Variants in BLM observed in about 807,000 individuals in gnomAD.
BLM encodes the protein BLM RecQ like helicase.
Under a neutral mutation model 135.3 loss-of-function variants are expected in BLM, and 95 were observed. The observed-to-expected ratio is 0.70, with a 90% CI of 0.59 to 0.83. The LOEUF is 0.83. BLM is among the 40% of genes least tolerant of loss of function. The pLI is 0.00. For synonymous variants in BLM, 520 were observed against 589.2 expected, an observed-to-expected ratio of 0.88 and a Z score of 1.70; for missense variants, 1,518 against 1,663.9, an observed-to-expected ratio of 0.91 and a Z score of 1.53.
At chr15:90,782,374 T>G (rs1168450455) in intron 12 of BLM, among the ~76,000 whole-genome samples, 3 of 151,846 alleles carry the variant, frequency 2.0e-5, no homozygotes, top group Non-Finnish European at 4.4e-5. Context: ...GGCGACAGAG[T>G]GAGACTCTGT....
intron 5 of BLM, among the ~76,000 whole-genome samples, chr15:90,758,885 T>C (rs544740555): frequency 6.6e-6 from 1 of 152,180 alleles, no homozygotes; most frequent in South Asian, 2.1e-4. Flanking sequence ...GTAGGTCTAA[T>C]AGGAAATCTT....
At chr15:90,747,695 G>A in intron 2 of BLM, 1 of 513,244 alleles carries the variant, frequency 1.9e-6, no homozygotes, top group Non-Finnish European at 3.5e-6. Flanking sequence ...ATGGTTCCTG[G>A]CACATAATAT....
At chr15:90,779,562 C>T (rs1323431680) in intron 12 of BLM, among the ~76,000 whole-genome samples, 1 of 152,154 alleles carries the variant, frequency 6.6e-6, no homozygotes, top group Non-Finnish European at 1.5e-5. Flanking sequence ...ATCTGCTACA[C>T]ATTCTGCCTT....
In BLM at chr15:90,783,462, C is replaced by T. The variant is rs142367006; in HGVS notation, c.2662+534C>T. Reference sequence around the variant, plus strand: ...GATTTCCCCGCTCAGACTCACCTCCCCCAGGCAGCTAATGTCAATAGCTTC... The same window carrying T: ...GATTTCCCCGCTCAGACTCACCTCCTCCAGGCAGCTAATGTCAATAGCTTC... On this transcript the variant is annotated intron_variant, in intron 13 of 21. Coordinates refer to ENST00000355112, the MANE Select transcript of BLM (RefSeq NM_000057.4). Among the ~76,000 whole-genome samples, 706 of 152,282 alleles carry T rather than the reference C, an allele frequency of 4.6e-3. 6 individuals carry two copies. Among genetic ancestry groups the T allele is most frequent in the African/African-American group, 0.016 (672 of 41,550 alleles).
rs535042819 is a variant in BLM, at chr15:90,727,748, A to G, written c.-5+10308A>G. Among the ~76,000 whole-genome samples, 10 of 152,132 alleles carry G rather than the reference A, an allele frequency of 6.6e-5. No individual in the cohort carries two copies. In the South Asian group the frequency reaches 2.1e-3, roughly 32 times the overall value. On this transcript the variant is annotated intron_variant, in intron 1 of 21. Coordinates refer to ENST00000355112, the MANE Select transcript of BLM (RefSeq NM_000057.4). ...CGTGAATTCCTACAGACACTACCTG[A>G]TGTGTTTTTTTTTCCCTTGCTGATC...
chr15:90,809,398 G>T (rs1362700857), intron 20 of BLM, 139 bp downstream of exon 20: 1 of 1,372,774 alleles, frequency 7.3e-7, no homozygotes, highest in Non-Finnish European at 1.0e-6. Flanking sequence ...CCAGTGGTGT[G>T]CCAGTCACCT....
At chr15:90,751,261 G>A (rs564183654) in intron 3 of BLM, among the ~76,000 whole-genome samples, 4 of 152,268 alleles carry the variant, frequency 2.6e-5, no homozygotes, top group South Asian at 2.1e-4. Flanking sequence ...AGTGATTGAC[G>A]ATAAGCAAAA....
At chr15:90,718,205 G>T (rs80316209) in intron 1 of BLM, among the ~76,000 whole-genome samples, 2,454 of 152,312 alleles carry the variant, frequency 0.016, 72 homozygotes, top group African/African-American at 0.056. Context: ...CAGAGAAGCG[G>T]ATGAAATTGT....
chr15:90,769,536 CA>C lies in BLM; in HGVS notation c.2506del (p.Arg836GlyfsTer7), dbSNP rs1567045531. ...TGGCTCTTACGGCCACAGCTAATCCCAGGGTACAGAAGGACATCCTGACTCA... is the reference window on the plus strand; with the variant it reads ...TGGCTCTTACGGCCACAGCTAATCCCGGGTACAGAAGGACATCCTGACTCA... ...VMALTATANP[R>X]VQKDILTQLK... is the part of the protein sequence containing the mutation. On this transcript the variant is annotated frameshift_variant, in exon 12 of 22. Coordinates refer to ENST00000355112, the MANE Select transcript of BLM (RefSeq NM_000057.4). LOFTEE classifies it high-confidence loss of function. 6.2e-7 allele frequency: 1 copy of C among 1,614,040 alleles called. No homozygotes were observed.
intron 1 of BLM, among the ~76,000 whole-genome samples, chr15:90,746,307 T>C (rs2151144174): frequency 6.6e-6 from 1 of 152,286 alleles, no homozygotes; most frequent in East Asian, 1.9e-4. Context: ...ATAATTAAGA[T>C]ATAATTCACA....
rs764679551 is a variant in BLM, at chr15:90,785,045, A to C, written c.2787A>C (p.Glu929Asp). Residue 929 changes from glutamate to aspartate, a missense_variant, in exon 14 of 22, where the codon GAA becomes GAC. Glu to Asp is a conservative substitution (Grantham distance 45). This residue lies in a region of BLM where 626 missense variants were observed against 681.1 expected (regional missense o/e 0.92). Transcript: ENST00000355112. Reference protein sequence around the residue: ...HAGLSDSARDEVQQKWINQDG... With the variant: ...HAGLSDSARDDVQQKWINQDG... ...GCCTCAGTGATTCTGCCAGAGATGA[A>C]GTGCAGCAGAAGTGGATTAATCAGG... 2.5e-6 allele frequency: 4 copies of C among 1,614,178 alleles called. No homozygotes were observed. Among genetic ancestry groups the C allele is most frequent in the Non-Finnish European group, 3.4e-6 (4 of 1,180,030 alleles).
intron 17 of BLM, among the ~76,000 whole-genome samples, chr15:90,800,634 C>T (rs1426491014): frequency 2.0e-5 from 3 of 151,626 alleles, no homozygotes; most frequent in African/African-American, 7.3e-5. Flanking sequence ...GAGCCAAGAT[C>T]GTGCCATTGC....
Position 90,815,047 on chromosome 15 carries a change from T to C in BLM, c.4077-55T>C. Reference sequence around the variant, plus strand: ...AGCTCTGTGCAGGTTGAGAGGAAGGTCATTCATTTTTGGTTTCATTTAACA... The same window carrying C: ...AGCTCTGTGCAGGTTGAGAGGAAGGCCATTCATTTTTGGTTTCATTTAACA... On this transcript the variant is annotated intron_variant, in intron 21 of 21. Transcript: ENST00000355112. The surrounding 1 kb of genome is among the most constrained non-coding windows in gnomAD (Gnocchi z 4.6). The C allele has an allele frequency of 7.7e-7, 1 of 1,298,180 alleles. No homozygotes were observed. The highest frequency in any genetic ancestry group is 1.1e-6 in the Non-Finnish European group (1 of 920,462). 80.4% of individuals were successfully genotyped at this position (1,298,180 alleles called of 1,614,324 possible).
At chr15:90,786,542 A>G (rs1182057112) in intron 14 of BLM, among the ~76,000 whole-genome samples, 1 of 152,106 alleles carries the variant, frequency 6.6e-6, no homozygotes, top group East Asian at 1.9e-4. Context: ...TTTATTGTCC[A>G]GCTTTTTTAA....
chr15:90,734,665 G>GCGCA (rs1191481326), intron 1 of BLM, among the ~76,000 whole-genome samples: 4 of 143,488 alleles, frequency 2.8e-5, no homozygotes, highest in African/African-American at 1.1e-4. Flanking sequence ...ACACACACGC[G>GCGCA]CGCACGCACG....
rs1350192744 is a variant in BLM, at chr15:90,760,279, G to T, written c.1220G>T (p.Arg407Ile). Residue 407 changes from arginine (R) to isoleucine (I), a missense_variant and splice_region_variant, in exon 6 of 22, where the codon AGA (arginine) becomes ATA (isoleucine). By Grantham distance (97) the Arg-to-Ile change is moderately conservative. Transcript: ENST00000355112. ...GNELLQQRNI[R>I]RKLLTEVDFN... ...GAACTGCTTCAGCAGCGGAACATAA[G>T]GTATCTTAATTTTCCCCCTTCTGGA... The T allele has an allele frequency of 6.2e-7, 1 of 1,613,910 alleles. No homozygotes were observed. The highest frequency in any genetic ancestry group is 8.5e-7 in the Non-Finnish European group (1 of 1,179,968).
At position 90,755,064 on chromosome 15, in the gene BLM, C is replaced by A. The variant is rs1846747273; in HGVS notation, c.1087+126C>A. On this transcript the variant is annotated intron_variant, in intron 5 of 21. Transcript: ENST00000355112. ...AAATGGCAGATTTGTAGTTTCTTTT[C>A]TTCTAATGTCATAACCTTGTTTACT... 8 of 1,197,290 alleles carry A rather than the reference C, an allele frequency of 6.7e-6. No homozygotes were observed. The South Asian group carries it at 1.0e-4, about 15-fold the overall frequency. 74.2% of individuals were successfully genotyped at this position (1,197,290 alleles called of 1,614,324 possible). A position where few individuals can be genotyped will look rare whatever the true frequency, so the allele number is the denominator to read the frequency against.
chr15:90,813,233 A>G (rs1897467562), intron 21 of BLM, among the ~76,000 whole-genome samples: 1 of 152,238 alleles, frequency 6.6e-6, no homozygotes. Context: ...AGCAAACCAT[A>G]TTGCTATTGG....
In BLM at chr15:90,754,813, C is replaced by A; in HGVS notation, c.962C>A (p.Thr321Lys). The change falls in exon 5 of 22, where the codon ACG becomes AAG. Residue 321 changes from threonine to lysine, a missense_variant and splice_region_variant. Coordinates refer to ENST00000355112, the MANE Select transcript of BLM (RefSeq NM_000057.4). ...CTTAACATTTTTTTTATTTGCAGTA[C>A]GTTAAAGGACCTTGACACCTCTGAC... ...ASSSSSKCLS[T>K]LKDLDTSDRK... is the part of the protein sequence containing the mutation. 1 of 1,613,328 alleles carries A rather than the reference C, an allele frequency of 6.2e-7. No individual in the cohort carries two copies. Among genetic ancestry groups the A allele is most frequent in the Non-Finnish European group, 8.5e-7 (1 of 1,179,658 alleles).
Sources: gnomAD v4.1 joint callset for allele counts (sites outside exome capture counted in the v4.1 genomes callset) on GRCh38, gnomAD v4.1.1 for gene constraint, gnomAD v4.1.1 regional missense constraint, Gnocchi (gnomAD v3.1) non-coding constraint, MANE v1.5 for transcripts, NCBI Gene and HGNC (gene_info 2026-07-23, HGNC 2026-07-21) for gene names.